Variants in FBXO46 observed in about 807,000 individuals in gnomAD.
FBXO46 encodes the protein F-box protein 46, also known as F-box only protein 46.
A neutral mutation model predicts 30.7 loss-of-function variants in FBXO46; 13 were observed. That is an observed-to-expected ratio of 0.42 (90% confidence interval 0.28 to 0.67). The LOEUF is 0.67. FBXO46 is among the 30% of genes least tolerant of loss of function. The probability of loss-of-function intolerance (pLI) is 0.21; values close to 1 mark genes in which losing one functional copy is unlikely to be tolerated. For missense variants in FBXO46, 754 were observed against 871.5 expected, an observed-to-expected ratio of 0.87 and a Z score of 1.70; for synonymous variants, 467 against 385.8, an observed-to-expected ratio of 1.21 and a Z score of -2.47.
At position 45,712,244 on chromosome 19, in the gene FBXO46, C is replaced by G; in HGVS notation, c.1252G>C (p.Gly418Arg). 1.9e-6 allele frequency: 3 copies of G among 1,604,668 alleles called. No individual in the cohort carries two copies. The highest frequency in any genetic ancestry group is 8.5e-7 in the Non-Finnish European group (1 of 1,178,392). Residue 418 changes from glycine to arginine, a missense_variant, in exon 2 of 2, where the codon GGG becomes CGG. Physicochemically the swap from Gly to Arg is moderately radical, Grantham distance 125. Transcript: ENST00000317683. This position sits in a 1 kb window ranked among gnomAD's most constrained non-coding sequence, Gnocchi z 8.8. ...LFFLQNRGPDGPPEPPPADSP... is the reference protein window; with the variant it reads ...LFFLQNRGPDRPPEPPPADSP... Reference sequence around the variant, plus strand: ...TCGGCCGGGGGTGGCTCCGGGGGCCCGTCCGGCCCGCGGTTCTGGAGAAAG... The same window carrying G: ...TCGGCCGGGGGTGGCTCCGGGGGCCGGTCCGGCCCGCGGTTCTGGAGAAAG...
chr19:45,728,840 T>TA (rs1286924442), intron 1 of FBXO46, among the ~76,000 whole-genome samples: 1 of 151,636 alleles, frequency 6.6e-6, no homozygotes, highest in Non-Finnish European at 1.5e-5. Context: ...ACCCTGTCTT[T>TA]AAAAAAATAA....
chr19:45,724,511 C>A (rs1213640292), intron 1 of FBXO46, among the ~76,000 whole-genome samples: 2 of 152,074 alleles, frequency 1.3e-5, no homozygotes, highest in African/African-American at 2.4e-5. Flanking sequence ...GGTAAGTGCT[C>A]TATTAACACT....
chr19:45,728,646 G>C (rs2146163748), intron 1 of FBXO46, among the ~76,000 whole-genome samples: 1 of 151,978 alleles, frequency 6.6e-6, no homozygotes, highest in South Asian at 2.1e-4. Flanking sequence ...GACCAGCCTG[G>C]GCAACAAAGT....
intron 1 of FBXO46, among the ~76,000 whole-genome samples, chr19:45,729,561 TTA>T (rs1252094205): frequency 6.6e-6 from 1 of 152,242 alleles, no homozygotes; most frequent in Non-Finnish European, 1.5e-5. Flanking sequence ...GAGGACTAAA[TTA>T]TAGTGCTGAA....
intron 1 of FBXO46, among the ~76,000 whole-genome samples, chr19:45,723,813 C>T (rs1462586352): frequency 1.3e-5 from 2 of 152,136 alleles, no homozygotes; most frequent in Non-Finnish European, 2.9e-5. Context: ...GCGTGCGCCA[C>T]CACGCCCAGC....
chr19:45,728,172 C>T (rs542436640), intron 1 of FBXO46, among the ~76,000 whole-genome samples: 11 of 152,310 alleles, frequency 7.2e-5, no homozygotes, highest in Non-Finnish European at 1.5e-4. Flanking sequence ...GCAATCTGCC[C>T]GCAATGGCCT....
intron 1 of FBXO46, among the ~76,000 whole-genome samples, chr19:45,718,996 C>T (rs1404036140): frequency 2.0e-5 from 3 of 151,058 alleles, no homozygotes; most frequent in Non-Finnish European, 4.4e-5. Flanking sequence ...CCTGTAATCC[C>T]AGCACTTTGG....
At chr19:45,728,490 C>A (rs1318043957) in intron 1 of FBXO46, among the ~76,000 whole-genome samples, 1 of 152,110 alleles carries the variant, frequency 6.6e-6, no homozygotes, top group East Asian at 1.9e-4. Flanking sequence ...AACTTCTCAC[C>A]TTCCTAGGGT....
At chr19:45,722,521 G>A (rs1968186445) in intron 1 of FBXO46, among the ~76,000 whole-genome samples, 1 of 152,208 alleles carries the variant, frequency 6.6e-6, no homozygotes, top group Non-Finnish European at 1.5e-5. Context: ...CCAGCACTTT[G>A]GGAGGCCCAG....
intron 1 of FBXO46, among the ~76,000 whole-genome samples, chr19:45,725,929 T>C (rs1968233373): frequency 6.6e-6 from 1 of 152,088 alleles, no homozygotes; most frequent in Non-Finnish European, 1.5e-5. Context: ...TATAGTGCAA[T>C]GGGGCAATCA....
At chr19:45,729,421 T>C (rs767469879) in intron 1 of FBXO46, among the ~76,000 whole-genome samples, 28 of 152,306 alleles carry the variant, frequency 1.8e-4, no homozygotes, top group South Asian at 1.5e-3. Flanking sequence ...GGAGACTGTC[T>C]CTAAATAAAT....
intron 1 of FBXO46, among the ~76,000 whole-genome samples, chr19:45,727,310 C>T (rs1968253063): frequency 6.6e-6 from 1 of 151,716 alleles, no homozygotes; most frequent in South Asian, 2.1e-4. Flanking sequence ...GTAATCCCAA[C>T]ACTTAGGGAA....
rs753283186 is a variant in FBXO46, at chr19:45,711,634, G to A, written c.*50C>T. ...CAGTCCGGACCCTCGGCTCCCGGGG[G>A]GAGAGGGGAGGGGTGGGCGTGGTGG... On this transcript the variant is annotated 3_prime_UTR_variant, in exon 2 of 2. Coordinates refer to ENST00000317683, the MANE Select transcript of FBXO46 (RefSeq NM_001080469.2). 12 of 1,402,574 alleles carry A rather than the reference G, an allele frequency of 8.6e-6. No individual in the cohort carries two copies. Among genetic ancestry groups the A allele is most frequent in the Non-Finnish European group, 1.2e-5 (12 of 1,025,764 alleles). The allele number at this position is 1,402,574 out of a possible 1,614,324, so 86.9% of individuals were successfully genotyped here.
chr19:45,732,127 A>AG (rs1351211486), upstream of FBXO46, among the ~76,000 whole-genome samples: 6 of 151,854 alleles, frequency 4.0e-5, no homozygotes, highest in African/African-American at 1.5e-4. Context: ...AAAAAAAAAA[A>AG]AAAGAAGAAG....
At chr19:45,718,766 C>G (rs1311068228) in intron 1 of FBXO46, among the ~76,000 whole-genome samples, 2 of 151,706 alleles carry the variant, frequency 1.3e-5, no homozygotes, top group Non-Finnish European at 2.9e-5. Flanking sequence ...TCTTCTAACT[C>G]CCCCACACTG....
intron 1 of FBXO46, chr19:45,717,501 T>A (rs1161471643): frequency 6.6e-6 from 1 of 151,738 alleles, no homozygotes; most frequent in African/African-American, 2.4e-5. Flanking sequence ...AACTTCGAAA[T>A]AGGGAGGAGT....
Position 45,712,918 on chromosome 19 carries a change from G to T in FBXO46, c.578C>A (p.Pro193Gln). 3 of 1,608,190 alleles carry T rather than the reference G, an allele frequency of 1.9e-6. No individual in the cohort carries two copies. The highest frequency in any genetic ancestry group is 2.5e-6 in the Non-Finnish European group (3 of 1,177,634). The stretch of plus-strand genomic sequence containing the variant: ...AAAGACTACAGGCGCTGGGGTGGTC[G>T]GTCGTGGGTAGCTCTGCAGGGCCAG... Reference protein sequence around the residue: ...AALALQSYPRPTTPAPVVFVS... With the variant: ...AALALQSYPRQTTPAPVVFVS... Residue 193 changes from proline to glutamine, a missense_variant, in exon 2 of 2, where the codon CCG becomes CAG. Transcript: ENST00000317683. This position sits in a 1 kb window ranked among gnomAD's most constrained non-coding sequence, Gnocchi z 8.8.
rs969495513 is a variant in FBXO46 at position 45,717,255 on chromosome 19, G to C, written c.-78-3682C>G. 4 of 146,972 alleles carry C rather than the reference G, an allele frequency of 2.7e-5. 1 individual carries two copies. The South Asian group carries it at 6.4e-4, about 24-fold the overall frequency. 9.1% of individuals were successfully genotyped at this position (146,972 alleles called of 1,614,324 possible). The stretch of plus-strand genomic sequence containing the variant: ...CTCGAAACCTACACACGCCCCCAAA[G>C]AGCCCTCACCCGCAGCCCCCCCAGG... On this transcript the variant is annotated intron_variant, in intron 1 of 1. Transcript: ENST00000317683.
intron 1 of FBXO46, among the ~76,000 whole-genome samples, chr19:45,720,258 A>C (rs1422159490): frequency 1.3e-5 from 2 of 152,104 alleles, no homozygotes; most frequent in East Asian, 3.8e-4. Flanking sequence ...AAGCCTCCCA[A>C]GTAGCTGGGA....
Sources: gnomAD v4.1 joint callset for allele counts (sites outside exome capture counted in the v4.1 genomes callset) on GRCh38, gnomAD v4.1.1 for gene constraint, Gnocchi (gnomAD v3.1) non-coding constraint, MANE v1.5 for transcripts, NCBI Gene and HGNC (gene_info 2026-07-23, HGNC 2026-07-21) for gene names.